Variants in RPRD2 observed in about 807,000 individuals in gnomAD.
RPRD2 encodes the protein regulation of nuclear pre-mRNA domain containing 2.
In RPRD2, 12 loss-of-function variants were observed where a neutral mutation model predicts 104.4. That is an observed-to-expected ratio of 0.11 (90% CI 0.07 to 0.19). RPRD2 has a LOEUF of 0.19. Among genes scored for constraint, RPRD2 ranks in the 10% least tolerant of loss-of-function variants. The probability of loss-of-function intolerance (pLI) is 1.00; values close to 1 mark genes in which losing one functional copy is unlikely to be tolerated. For missense variants in RPRD2, 1,543 were observed against 1,790.1 expected (o/e 0.86, Z 2.49); for synonymous variants, 714 against 684.9 (o/e 1.04, Z -0.66).
chr1:150,429,318 C>G (rs1665394069), intron 2 of RPRD2, among the ~76,000 whole-genome samples: 1 of 151,996 alleles, frequency 6.6e-6, no homozygotes, highest in South Asian at 2.1e-4. Flanking sequence ...TCTCGAACTC[C>G]CAACCTCAGT....
chr1:150,423,786 A>C (rs1262561573), intron 2 of RPRD2, among the ~76,000 whole-genome samples: 4 of 138,370 alleles, frequency 2.9e-5, no homozygotes, highest in Non-Finnish European at 6.4e-5. Context: ...CGAAATCTGA[A>C]AACAAATTTT....
intron 1 of RPRD2, among the ~76,000 whole-genome samples, chr1:150,412,810 T>A (rs1664036965): frequency 1.3e-5 from 2 of 152,162 alleles, no homozygotes; most frequent in South Asian, 4.1e-4. Flanking sequence ...GGGATTGATT[T>A]ATGTCCCATT....
chr1:150,473,572 AAAAAAAAGT>A lies in RPRD2; in HGVS notation c.*242_*250del. The A allele has an allele frequency of 2.5e-5, 6 of 239,484 alleles. No homozygotes were observed. The highest frequency in any genetic ancestry group is 3.3e-5 in the Non-Finnish European group (4 of 120,428). The allele number at this position is 239,484 out of a possible 1,614,324, so 14.8% of individuals were successfully genotyped here. A position where few individuals can be genotyped will look rare whatever the true frequency, so the allele number is the denominator to read the frequency against. On this transcript the variant is annotated 3_prime_UTR_variant, in exon 11 of 11. Coordinates refer to ENST00000369068, the MANE Select transcript of RPRD2 (RefSeq NM_015203.5). ...TGTTTGTATTAAAAAAAAAAAAAAA[AAAAAAAAGT>A]AAAGAAACACAACCAAAGCCATTTC...
At chr1:150,462,403 C>T (rs1468116686) in intron 9 of RPRD2, among the ~76,000 whole-genome samples, 1 of 151,690 alleles carries the variant, frequency 6.6e-6, no homozygotes, top group Non-Finnish European at 1.5e-5. Context: ...CAGGATCAAG[C>T]CACTGCACTC....
At chr1:150,409,498 T>A (rs1663737304) in intron 1 of RPRD2, among the ~76,000 whole-genome samples, 1 of 152,030 alleles carries the variant, frequency 6.6e-6, no homozygotes, top group Non-Finnish European at 1.5e-5. Context: ...TAAATAAAAC[T>A]GACAAAAATC....
At chr1:150,384,094 G>A (rs1028060886) in intron 1 of RPRD2, among the ~76,000 whole-genome samples, 1 of 152,134 alleles carries the variant, frequency 6.6e-6, no homozygotes, top group African/African-American at 2.4e-5. Flanking sequence ...GTTTCTGGAA[G>A]GGGTGGGTAG....
In RPRD2 at chr1:150,464,663, C is replaced by T. The variant is rs200266955; in HGVS notation, c.1548C>T (p.Ile516=). The part of the protein sequence containing the change: ...PLANILSKVE[I]TPESILSALS... ...CAAATATCCTCTCCAAGGTGGAGAT[C>T]ACCCCAGAGAGCATTCTGTCTGCAC... The change falls in exon 10 of 11, where the codon ATC becomes ATT. Residue 516 remains isoleucine (I), a synonymous_variant. Coordinates refer to ENST00000369068, the MANE Select transcript of RPRD2 (RefSeq NM_015203.5). 6.2e-7 allele frequency: 1 copy of T among 1,613,140 alleles called. No individual in the cohort carries two copies. The highest frequency in any genetic ancestry group is 1.3e-5 in the African/African-American group (1 of 74,936).
intron 2 of RPRD2, among the ~76,000 whole-genome samples, chr1:150,434,847 A>G (rs1553892775): frequency 6.6e-6 from 1 of 151,904 alleles, no homozygotes; most frequent in Non-Finnish European, 1.5e-5. Flanking sequence ...AAAGAAAGGA[A>G]TAGTTATAAA....
chr1:150,393,007 G>A (rs1365900142), intron 1 of RPRD2, among the ~76,000 whole-genome samples: 1 of 152,044 alleles, frequency 6.6e-6, no homozygotes, highest in African/African-American at 2.4e-5. Context: ...AATAATTTTA[G>A]CAGTTAAAAG....
intron 2 of RPRD2, among the ~76,000 whole-genome samples, chr1:150,437,602 C>G (rs1666093317): frequency 6.6e-6 from 1 of 151,974 alleles, no homozygotes; most frequent in Non-Finnish European, 1.5e-5. Flanking sequence ...TTTTTAGAGA[C>G]AGAGTCTTAC....
In RPRD2 at chr1:150,412,951, CAAAT is replaced by C. The variant is rs1253516339; in HGVS notation, c.206-4640_206-4637del. On this transcript the variant is annotated intron_variant, in intron 1 of 10. Coordinates refer to ENST00000369068, the MANE Select transcript of RPRD2 (RefSeq NM_015203.5). Reference sequence around the variant, plus strand: ...TGGGCTGTGGGTTTTTTGTTTTCTCCAAATAAATCTGATCTTTTCTTAAAAAAAA... The same window carrying C: ...TGGGCTGTGGGTTTTTTGTTTTCTCCAAATCTGATCTTTTCTTAAAAAAAA... Among the ~76,000 whole-genome samples, 7 of 150,686 alleles carry C rather than the reference CAAAT, an allele frequency of 4.6e-5. No homozygotes were observed. In the East Asian group the frequency reaches 1.2e-3, roughly 25 times the overall value.
chr1:150,395,719 C>G (rs138692352), intron 1 of RPRD2, among the ~76,000 whole-genome samples: 12,454 of 152,094 alleles, frequency 0.082, 674 homozygotes, highest in Non-Finnish European at 0.12. Context: ...CCATGTTGGC[C>G]AGGCTGGTCT....
intron 2 of RPRD2, among the ~76,000 whole-genome samples, chr1:150,430,333 C>T (rs1665467572): frequency 6.6e-6 from 1 of 152,086 alleles, no homozygotes; most frequent in Non-Finnish European, 1.5e-5. Flanking sequence ...GAATGTAGTT[C>T]TGAAGACATC....
chr1:150,454,758 G>A (rs1667408704), intron 7 of RPRD2, among the ~76,000 whole-genome samples: 2 of 152,082 alleles, frequency 1.3e-5, no homozygotes, highest in South Asian at 4.1e-4. Flanking sequence ...TGAGGTGGGA[G>A]GATCGCTTGA....
chr1:150,430,204 A>G (rs1055451887), intron 2 of RPRD2, among the ~76,000 whole-genome samples: 1 of 152,338 alleles, frequency 6.6e-6, no homozygotes, highest in South Asian at 2.1e-4. Context: ...GAATGTGTAG[A>G]GTAATGTATA....
chr1:150,461,000 C>T, intron 9 of RPRD2, among the ~76,000 whole-genome samples: 2 of 151,510 alleles, frequency 1.3e-5, no homozygotes, highest in Admixed American at 6.6e-5. Context: ...GCTGGGATTA[C>T]AGGCGTGAGC....
intron 1 of RPRD2, among the ~76,000 whole-genome samples, chr1:150,366,302 A>T (rs1659837450): frequency 6.6e-6 from 1 of 152,242 alleles, no homozygotes; most frequent in South Asian, 2.1e-4. Flanking sequence ...CTTTTAGAGA[A>T]CAGATAGATA....
chr1:150,412,669 T>C (rs1256444834), intron 1 of RPRD2, among the ~76,000 whole-genome samples: 1 of 152,170 alleles, frequency 6.6e-6, no homozygotes, highest in Non-Finnish European at 1.5e-5. Flanking sequence ...CTAAAGTGTT[T>C]CAGCTTTTTC....
At chr1:150,465,162 T>A (rs1668183969) in intron 10 of RPRD2, among the ~76,000 whole-genome samples, 2 of 152,100 alleles carry the variant, frequency 1.3e-5, no homozygotes, top group South Asian at 2.1e-4. Context: ...TCCTTTTTTT[T>A]ATTTTAGACA....
Sources: gnomAD v4.1 joint callset for allele counts (sites outside exome capture counted in the v4.1 genomes callset) on GRCh38, gnomAD v4.1.1 for gene constraint, MANE v1.5 for transcripts, NCBI Gene and HGNC (gene_info 2026-07-23, HGNC 2026-07-21) for gene names.